The following EIF3H variants were observed in gnomAD, a reference collection of about 807,000 sequenced individuals.
EIF3H encodes the protein eIF-3-gamma.
A neutral mutation model predicts 44.2 loss-of-function variants in EIF3H; 26 were observed. That is an observed-to-expected ratio of 0.59 (90% confidence interval 0.43 to 0.82). The LOEUF is 0.82. Ranked by LOEUF, EIF3H falls within the 40% of genes least tolerant of loss-of-function variation. The probability of loss-of-function intolerance (pLI) is 0.00; values close to 1 mark genes in which losing one functional copy is unlikely to be tolerated. For missense variants in EIF3H, 359 were observed against 432.8 expected, an observed-to-expected ratio of 0.83 and a Z score of 1.51; for synonymous variants, 166 against 151.9, an observed-to-expected ratio of 1.09 and a Z score of -0.68.
At chr8:116,649,352 A>G (rs1020963671) in intron 5 of EIF3H, among the ~76,000 whole-genome samples, 2 of 152,176 alleles carry the variant, frequency 1.3e-5, no homozygotes, top group Admixed American at 1.3e-4. Flanking sequence ...CTGGCACATG[A>G]TTTCTCTATC....
intron 2 of EIF3H, among the ~76,000 whole-genome samples, chr8:116,679,111 G>A (rs1359973872): frequency 1.5e-5 from 1 of 65,948 alleles, no homozygotes; most frequent in African/African-American, 4.6e-5. Flanking sequence ...CCGTCCGGGA[G>A]GGGGGAGGGG....
intron 2 of EIF3H, among the ~76,000 whole-genome samples, chr8:116,723,557 G>C (rs1311410638): frequency 6.6e-6 from 1 of 152,202 alleles, no homozygotes; most frequent in African/African-American, 2.4e-5. Context: ...CTGCTTTGCA[G>C]ACAAACTGCA....
chr8:116,721,637 GCAGAGCTGCCCAAAGCCACAGGGA>G (rs1249147620), intron 2 of EIF3H, among the ~76,000 whole-genome samples: 8 of 152,354 alleles, frequency 5.3e-5, no homozygotes, highest in Admixed American at 2.6e-4. Context: ...TGCCACAGGG[GCAGAGCTGCCCAAAGCCACAGGGA>G]CAGAGCTGCC....
At chr8:116,668,963 T>C (rs1180354480) in intron 2 of EIF3H, among the ~76,000 whole-genome samples, 1 of 152,040 alleles carries the variant, frequency 6.6e-6, no homozygotes, top group Non-Finnish European at 1.5e-5. Context: ...TTGGCCTCCA[T>C]GGAGTGTTAC....
At chr8:116,748,603 T>C (rs1686073078) in intron 1 of EIF3H, among the ~76,000 whole-genome samples, 2 of 152,228 alleles carry the variant, frequency 1.3e-5, no homozygotes, top group African/African-American at 4.8e-5. Context: ...GTGCCTTCTA[T>C]ACACGAGGTA....
At chr8:116,734,478 A>T in intron 1 of EIF3H, 1 of 433,136 alleles carries the variant, frequency 2.3e-6, no homozygotes, top group Non-Finnish European at 4.6e-6. Context: ...TAGATGGATA[A>T]GCACTAGGGT....
chr8:116,712,329 TA>T (rs1814586856), intron 2 of EIF3H, among the ~76,000 whole-genome samples: 2 of 152,116 alleles, frequency 1.3e-5, no homozygotes, highest in Non-Finnish European at 2.9e-5. Flanking sequence ...ACCACTAGAA[TA>T]ATTGTATGGC....
chr8:116,691,869 C>CAAA lies in EIF3H; in HGVS notation c.290-32892_290-32890dup, dbSNP rs373127282. ...CCTGGGTGACAGAGAAAGACTGTCT[C>CAAA]AAAAAAAAAAAAAAAAGAGGAGGTA... is the stretch of plus-strand genomic sequence containing the variant. On this transcript the variant is annotated intron_variant, in intron 2 of 7. Transcript: ENST00000521861. Among the ~76,000 whole-genome samples, 88 of 134,400 alleles carry CAAA rather than the reference C, an allele frequency of 6.5e-4. 1 individual carries two copies. The highest frequency in any genetic ancestry group is 3.5e-3 in the Admixed American group (47 of 13,344). The allele number at this position is 134,400 out of a possible 152,430, so 88.2% of individuals were successfully genotyped here.
intron 2 of EIF3H, among the ~76,000 whole-genome samples, chr8:116,700,352 T>C (rs1159491640): frequency 6.6e-6 from 1 of 152,224 alleles, no homozygotes; most frequent in Non-Finnish European, 1.5e-5. Flanking sequence ...CAGCTTTGAA[T>C]GCAGCCAAAC....
At chr8:116,740,939 T>TA (rs1467328326) in intron 1 of EIF3H, among the ~76,000 whole-genome samples, 1 of 152,140 alleles carries the variant, frequency 6.6e-6, no homozygotes, top group African/African-American at 2.4e-5. Flanking sequence ...TTGCAAAGAT[T>TA]AAAAAATAAT....
rs192312131 is a variant in EIF3H at position 116,739,740 on chromosome 8, C to T, written c.133-13568G>A. ...AGGCTGTGAGACCCCTGATTTCCCACTCCACACTCCATGTTTCTCTGTGTG... is the reference window on the plus strand; with the variant it reads ...AGGCTGTGAGACCCCTGATTTCCCATTCCACACTCCATGTTTCTCTGTGTG... On this transcript the variant is annotated intron_variant, in intron 1 of 7. Transcript: ENST00000521861. Among the ~76,000 whole-genome samples the T allele has an allele frequency of 9.1e-3, 1,384 of 152,316 alleles. 18 individuals are homozygous for T. Among genetic ancestry groups the T allele is most frequent in the African/African-American group, 0.031 (1,276 of 41,562 alleles).
intron 5 of EIF3H, among the ~76,000 whole-genome samples, chr8:116,650,049 G>C (rs1198685588): frequency 6.6e-6 from 1 of 152,198 alleles, no homozygotes; most frequent in Non-Finnish European, 1.5e-5. Context: ...AAGCTCACTA[G>C]CACCATACAA....
intron 2 of EIF3H, among the ~76,000 whole-genome samples, chr8:116,664,672 GA>G (rs1813638574): frequency 6.6e-6 from 1 of 152,086 alleles, no homozygotes; most frequent in African/African-American, 2.4e-5. Context: ...ATTCAAACTC[GA>G]AAACTCAAGA....
At chr8:116,731,300 G>C (rs372175874) in intron 1 of EIF3H, among the ~76,000 whole-genome samples, 1 of 152,136 alleles carries the variant, frequency 6.6e-6, no homozygotes, top group South Asian at 2.1e-4. Context: ...ATACTAATGC[G>C]TGAGCACACT....
At chr8:116,689,079 T>C (rs1473572380) in intron 2 of EIF3H, 4 of 444,644 alleles carry the variant, frequency 9.0e-6, no homozygotes, top group Admixed American at 4.9e-5. Flanking sequence ...ATACATTTAA[T>C]GGAATACTAC....
intron 1 of EIF3H, 88 bp downstream of exon 1, chr8:116,755,578 G>C: frequency 1.3e-6 from 2 of 1,570,170 alleles, no homozygotes; most frequent in Non-Finnish European, 1.7e-6. Flanking sequence ...CCAAGCCCAA[G>C]GGGGAGAATG....
At chr8:116,729,051 ATAAAC>A (rs1223441481) in intron 1 of EIF3H, among the ~76,000 whole-genome samples, 1 of 152,226 alleles carries the variant, frequency 6.6e-6, no homozygotes, top group Non-Finnish European at 1.5e-5. Context: ...TCAAGACGGG[ATAAAC>A]TAAACTGATA....
chr8:116,697,638 G>A (rs1370556208), intron 2 of EIF3H, among the ~76,000 whole-genome samples: 1 of 152,168 alleles, frequency 6.6e-6, no homozygotes, highest in Admixed American at 6.5e-5. Flanking sequence ...ACCTCTAGCT[G>A]AGCTTGTCCT....
At chr8:116,742,863 T>C (rs1586489046) in intron 1 of EIF3H, among the ~76,000 whole-genome samples, 1 of 152,222 alleles carries the variant, frequency 6.6e-6, no homozygotes, top group African/African-American at 2.4e-5. Flanking sequence ...GCCATATGCA[T>C]GTATTATCCA....
Sources: allele counts gnomAD v4.1 joint callset (sites outside exome capture counted in the v4.1 genomes callset), GRCh38; gene constraint gnomAD v4.1.1; transcripts MANE v1.5; gene names NCBI Gene and HGNC (gene_info 2026-07-23, HGNC 2026-07-21).